NPHP4: variants seen among roughly 807,000 people sequenced by gnomAD.
The protein encoded by NPHP4 is nephrocystin-4.
A neutral mutation model predicts 155.8 loss-of-function variants in NPHP4; 151 were observed. The observed-to-expected ratio is 0.97, with a 90% CI of 0.85 to 1.11. The LOEUF (loss-of-function observed/expected upper bound fraction) is 1.11. NPHP4 is among the 50% of genes least tolerant of loss of function. NPHP4 has a pLI of 0.00. For synonymous variants in NPHP4, 845 were observed against 816.8 expected (o/e 1.03, Z -0.59); for missense variants, 1,956 against 1,925.7 (o/e 1.02, Z -0.29).
At chr1:5,932,979 A>AGG (rs1395082846) in intron 10 of NPHP4, among the ~76,000 whole-genome samples, 168 bp downstream of exon 10, 11 of 152,386 alleles carry the variant, frequency 7.2e-5, no homozygotes, top group African/African-American at 2.6e-4. Context: ...TGGTCTTATC[A>AGG]GGTTTACATA....
At chr1:5,865,454 C>A (rs1004852927) in intron 26 of NPHP4, 181 bp from the exon 27 acceptor site, 34 of 534,574 alleles carry the variant, frequency 6.4e-5, no homozygotes, top group Non-Finnish European at 1.0e-4. Context: ...GGACCAGGCC[C>A]CAGGAGGCAG....
intron 7 of NPHP4, among the ~76,000 whole-genome samples, chr1:5,949,629 AC>A (rs1379791309): frequency 1.3e-5 from 2 of 151,944 alleles, no homozygotes; most frequent in Non-Finnish European, 2.9e-5. Flanking sequence ...AGGGCGGGGA[AC>A]AGCACCCCCG....
chr1:5,942,463 G>A (rs368905929), intron 9 of NPHP4, among the ~76,000 whole-genome samples: 121 of 148,902 alleles, frequency 8.1e-4, no homozygotes, highest in African/African-American at 2.8e-3. Flanking sequence ...CTCAGGAGGC[G>A]GAGGTTGCAG....
intron 19 of NPHP4, 48 bp downstream of exon 19, chr1:5,880,066 C>T (rs746109531): frequency 2.3e-5 from 37 of 1,607,944 alleles, no homozygotes; most frequent in Non-Finnish European, 3.0e-5. Context: ...CACCTCTCAC[C>T]CACCACTCAC....
chr1:5,991,864 A>G (rs866829944), intron 1 of NPHP4, among the ~76,000 whole-genome samples: 69 of 143,572 alleles, frequency 4.8e-4, no homozygotes, highest in African/African-American at 1.8e-3. Context: ...GGGCGCGGGG[A>G]GCCAAGGCCC....
intron 3 of NPHP4, among the ~76,000 whole-genome samples, chr1:5,977,294 C>T (rs2102354325): frequency 6.6e-6 from 1 of 152,180 alleles, no homozygotes. Flanking sequence ...CAAACCTGGG[C>T]TCTCCTCTCG....
rs370093834 is a variant in NPHP4, at chr1:5,875,226, A to C, written c.2818-126T>G. 105 of 759,360 alleles carry C rather than the reference A, an allele frequency of 1.4e-4. 1 individual carries two copies. The highest frequency in any genetic ancestry group is 7.8e-4 in the East Asian group (29 of 37,230). The allele number at this position is 759,360 out of a possible 1,614,324, so 47.0% of individuals were successfully genotyped here. On this transcript the variant is annotated intron_variant, in intron 20 of 29. Coordinates refer to ENST00000378156, the MANE Select transcript of NPHP4 (RefSeq NM_015102.5). ...TTTCTCCACAAGCATCGCCACCACC[A>C]CCCCCTTCCTTGACCATGTGGTCTG...
rs1482194414 is a variant in NPHP4, at chr1:5,866,311, C to A, written c.3644+62G>T. The A allele has an allele frequency of 1.5e-5, 17 of 1,110,146 alleles. No homozygotes were observed. In the Admixed American group the frequency reaches 3.3e-4, roughly 22 times the overall value. The allele number at this position is 1,110,146 out of a possible 1,614,324, so 68.8% of individuals were successfully genotyped here. A position where few individuals can be genotyped will look rare whatever the true frequency, so the allele number is the denominator to read the frequency against. Reference sequence around the variant, plus strand: ...GCCCACTTTCAATCCACCAGCAGCCCCAGGCCTGCCTCCTCCTCTCCTCCG... The same window carrying A: ...GCCCACTTTCAATCCACCAGCAGCCACAGGCCTGCCTCCTCCTCTCCTCCG... On this transcript the variant is annotated intron_variant, in intron 26 of 29. Transcript: ENST00000378156.
At chr1:5,903,553 G>C (rs897958206) in intron 16 of NPHP4, among the ~76,000 whole-genome samples, 2 of 152,006 alleles carry the variant, frequency 1.3e-5, no homozygotes, top group African/African-American at 4.8e-5. Flanking sequence ...AACATGTCAG[G>C]TGTGTTTCTA....
chr1:5,903,426 CT>C (rs1430019771), intron 16 of NPHP4, among the ~76,000 whole-genome samples: 1 of 152,188 alleles, frequency 6.6e-6, no homozygotes, highest in East Asian at 1.9e-4. Flanking sequence ...TTTAACATCA[CT>C]TTTCCCATCT....
At chr1:5,908,283 C>T (rs1358628311) in intron 12 of NPHP4, among the ~76,000 whole-genome samples, 2 of 152,232 alleles carry the variant, frequency 1.3e-5, no homozygotes, top group African/African-American at 4.8e-5. Context: ...GCAGGGAAGC[C>T]TGGGAGGCCG....
intron 9 of NPHP4, among the ~76,000 whole-genome samples, chr1:5,933,654 C>G (rs529727762): frequency 6.6e-5 from 10 of 152,292 alleles, no homozygotes; most frequent in African/African-American, 2.4e-4. Context: ...AACCCCTGTT[C>G]CCATAAGGAT....
chr1:5,903,135 T>A (rs548063221), intron 16 of NPHP4, among the ~76,000 whole-genome samples: 57 of 152,360 alleles, frequency 3.7e-4, no homozygotes, highest in African/African-American at 1.2e-3. Context: ...TTTTATAATA[T>A]CCTTATTAAC....
intron 11 of NPHP4, among the ~76,000 whole-genome samples, chr1:5,927,319 C>T (rs956866369): frequency 6.6e-6 from 1 of 152,148 alleles, no homozygotes; most frequent in African/African-American, 2.4e-5. Flanking sequence ...AGGTGGCGGT[C>T]CTCGGCTCTC....
chr1:5,888,213 TCTG>T (rs1241791097), intron 17 of NPHP4: 1 of 515,514 alleles, frequency 1.9e-6, no homozygotes. Context: ...CACGGGCTCT[TCTG>T]CTGATCAGAT....
At chr1:5,926,886 G>A (rs1646033080) in intron 11 of NPHP4, among the ~76,000 whole-genome samples, 1 of 152,244 alleles carries the variant, frequency 6.6e-6, no homozygotes, top group Non-Finnish European at 1.5e-5. Context: ...AAAGAAGGAA[G>A]TCATCACCTG....
intron 1 of NPHP4, among the ~76,000 whole-genome samples, chr1:5,991,227 T>C (rs1489300709): frequency 6.6e-6 from 1 of 152,104 alleles, no homozygotes; most frequent in Non-Finnish European, 1.5e-5. Context: ...TTTCAGCACC[T>C]ACCCTGCGCC....
intron 4 of NPHP4, among the ~76,000 whole-genome samples, chr1:5,967,734 T>C (rs957111750): frequency 2.9e-4 from 44 of 152,248 alleles, no homozygotes; most frequent in African/African-American, 8.2e-4. Flanking sequence ...TAAGGCACAT[T>C]TGGCAATGTC....
chr1:5,976,314 C>T (rs1007364530), intron 3 of NPHP4, among the ~76,000 whole-genome samples: 2 of 152,178 alleles, frequency 1.3e-5, no homozygotes, highest in Non-Finnish European at 2.9e-5. Flanking sequence ...GAAATGACGG[C>T]ATGCTTCTGA....
Sources: allele counts gnomAD v4.1 joint callset (sites outside exome capture counted in the v4.1 genomes callset), GRCh38; gene constraint gnomAD v4.1.1; transcripts MANE v1.5; gene names NCBI Gene and HGNC (gene_info 2026-07-23, HGNC 2026-07-21).